Variants in DLG1 observed in about 807,000 individuals in gnomAD.
DLG1 encodes disks large homolog 1.
Under a neutral mutation model 123.4 loss-of-function variants are expected in DLG1, and 42 were observed. That is an observed-to-expected ratio of 0.34 (90% CI 0.27 to 0.44). The LOEUF (loss-of-function observed/expected upper bound fraction) is 0.44. Among genes scored for constraint, DLG1 ranks in the 20% least tolerant of loss-of-function variants. DLG1 has a pLI of 1.00. For missense variants in DLG1, 942 were observed against 1,082.6 expected (o/e 0.87, Z 1.82); for synonymous variants, 317 against 356.2 (o/e 0.89, Z 1.24).
intron 5 of DLG1, among the ~76,000 whole-genome samples, chr3:197,151,201 A>G (rs915974061): frequency 2.0e-5 from 3 of 152,182 alleles, no homozygotes; most frequent in Non-Finnish European, 2.9e-5. Flanking sequence ...TGCTTAAGCA[A>G]TTACAGAAGA....
At chr3:197,113,148 C>T (rs1046630438) in intron 13 of DLG1, among the ~76,000 whole-genome samples, 1 of 152,086 alleles carries the variant, frequency 6.6e-6, no homozygotes, top group South Asian at 2.1e-4. Flanking sequence ...AAAAGATTTT[C>T]CCTTCTCTAT....
At chr3:197,053,953 G>C (rs767605147) in intron 23 of DLG1, among the ~76,000 whole-genome samples, 1 of 151,712 alleles carries the variant, frequency 6.6e-6, no homozygotes, top group Non-Finnish European at 1.5e-5. Context: ...TTAGCCAGGC[G>C]TGGCGGTGCA....
chr3:197,297,715 C>G, intron 1 of DLG1: 1 of 987,442 alleles, frequency 1.0e-6, no homozygotes, highest in South Asian at 4.6e-5. Flanking sequence ...CAGCGGGGGC[C>G]GGACAGGGCA....
At chr3:197,055,140 C>T (rs1227188932) in intron 23 of DLG1, among the ~76,000 whole-genome samples, 2 of 151,922 alleles carry the variant, frequency 1.3e-5, no homozygotes, top group South Asian at 2.1e-4. Flanking sequence ...TTTATAGAGG[C>T]AAGGTCTCAC....
At chr3:197,057,592 T>C (rs1374623623) in intron 23 of DLG1, among the ~76,000 whole-genome samples, 1 of 152,244 alleles carries the variant, frequency 6.6e-6, no homozygotes, top group East Asian at 1.9e-4. Context: ...GTTTCAGTTG[T>C]TCCACATCTT....
chr3:197,097,668 C>T (rs1425522494), intron 14 of DLG1, among the ~76,000 whole-genome samples: 2 of 149,158 alleles, frequency 1.3e-5, no homozygotes, highest in Admixed American at 6.7e-5. Context: ...GCAACCTCTG[C>T]CTCCTGGGTT....
At chr3:197,242,396 A>G (rs1373901431) in intron 4 of DLG1, among the ~76,000 whole-genome samples, 4 of 152,106 alleles carry the variant, frequency 2.6e-5, no homozygotes, top group Admixed American at 6.6e-5. Flanking sequence ...CAGAAAATAA[A>G]CAAAGAAACA....
chr3:197,055,865 C>T (rs2148772720), intron 23 of DLG1, among the ~76,000 whole-genome samples: 1 of 152,334 alleles, frequency 6.6e-6, no homozygotes, highest in African/African-American at 2.4e-5. Context: ...GGGTTTGCAA[C>T]AATGGCTCAC....
chr3:197,086,061 T>A (rs1460294340), intron 15 of DLG1, among the ~76,000 whole-genome samples: 6 of 151,880 alleles, frequency 4.0e-5, no homozygotes, highest in Admixed American at 3.9e-4. Flanking sequence ...ATCCAGAGAG[T>A]TTGAAATTAA....
chr3:197,281,304 G>A (rs1002919518), intron 4 of DLG1, among the ~76,000 whole-genome samples: 1 of 152,136 alleles, frequency 6.6e-6, no homozygotes. Flanking sequence ...CTCCCAAAGT[G>A]CTGGGATTAT....
chr3:197,253,029 CAA>C (rs1016514775), intron 4 of DLG1, among the ~76,000 whole-genome samples: 8 of 152,054 alleles, frequency 5.3e-5, no homozygotes, highest in Admixed American at 4.6e-4. Context: ...TAGGGTTAGG[CAA>C]AGAGTTATGA....
intron 14 of DLG1, among the ~76,000 whole-genome samples, chr3:197,095,618 A>G (rs1326673994): frequency 1.3e-5 from 2 of 152,132 alleles, no homozygotes; most frequent in Admixed American, 1.3e-4. Context: ...TCCCATCACC[A>G]ATGTTATTAA....
intron 4 of DLG1, among the ~76,000 whole-genome samples, chr3:197,258,151 T>C (rs1353608142): frequency 2.6e-5 from 4 of 151,390 alleles, no homozygotes; most frequent in Non-Finnish European, 5.9e-5. Flanking sequence ...TCCAGAAGAG[T>C]ATTTTTTTTA....
At chr3:197,239,805 CAT>C (rs1337183915) in intron 4 of DLG1, among the ~76,000 whole-genome samples, 4 of 141,618 alleles carry the variant, frequency 2.8e-5, no homozygotes, top group African/African-American at 5.3e-5. Flanking sequence ...TCCCAGAACT[CAT>C]ATGAAGATGC....
At chr3:197,260,400 AG>A (rs1441830328) in intron 4 of DLG1, 3 of 324,524 alleles carry the variant, frequency 9.2e-6, no homozygotes, top group South Asian at 5.4e-5. Context: ...CCATAAATGA[AG>A]AAGTTATAAC....
chr3:197,089,570 CTAAAAA>C (rs1036296553), intron 15 of DLG1, among the ~76,000 whole-genome samples: 14 of 150,480 alleles, frequency 9.3e-5, no homozygotes, highest in African/African-American at 3.4e-4. Context: ...CATTACTTCT[CTAAAAA>C]TAACAAGTGA....
intron 4 of DLG1, among the ~76,000 whole-genome samples, chr3:197,216,042 A>G (rs1250228597): frequency 3.9e-5 from 6 of 152,224 alleles, no homozygotes; most frequent in African/African-American, 1.2e-4. Context: ...ACTGAACCCA[A>G]TTCTAGTTTT....
At chr3:197,252,704 C>T (rs575645027) in intron 4 of DLG1, among the ~76,000 whole-genome samples, 11 of 152,166 alleles carry the variant, frequency 7.2e-5, no homozygotes, top group Non-Finnish European at 1.5e-4. Context: ...TTTAATACCA[C>T]TTAACTGTAA....
intron 4 of DLG1, among the ~76,000 whole-genome samples, chr3:197,261,427 G>A (rs1027193605): frequency 6.6e-6 from 1 of 152,194 alleles, no homozygotes; most frequent in Non-Finnish European, 1.5e-5. Flanking sequence ...GGGCAACAGG[G>A]TGAGATCCTG....
Sources: allele counts gnomAD v4.1 joint callset (sites outside exome capture counted in the v4.1 genomes callset), GRCh38; gene constraint gnomAD v4.1.1; transcripts MANE v1.5; gene names NCBI Gene and HGNC (gene_info 2026-07-23, HGNC 2026-07-21).